Variants in CAMKMT observed in about 807,000 individuals in gnomAD.
CAMKMT encodes the protein CaM KMT.
CAMKMT carries 53 observed loss-of-function variants against 48.0 expected under a neutral mutation model. That is an observed-to-expected ratio of 1.10 (90% CI 0.89 to 1.39). The LOEUF (loss-of-function observed/expected upper bound fraction) is 1.39, where lower values mean the gene tolerates loss of function less well. Among genes scored for constraint, CAMKMT ranks in the 40% most tolerant of loss-of-function variants. CAMKMT has a pLI of 0.00. For missense variants in CAMKMT, 428 were observed against 402.7 expected, an observed-to-expected ratio of 1.06 and a Z score of -0.54; for synonymous variants, 165 against 152.3, an observed-to-expected ratio of 1.08 and a Z score of -0.61.
intron 3 of CAMKMT, among the ~76,000 whole-genome samples, chr2:44,413,300 C>T (rs1401166841): frequency 2.0e-5 from 3 of 151,844 alleles, no homozygotes; most frequent in Non-Finnish European, 4.4e-5. Context: ...ATGAAAGAGG[C>T]AGGTAGATAT....
chr2:44,638,808 C>T (rs955270783), intron 3 of CAMKMT, among the ~76,000 whole-genome samples: 16 of 152,226 alleles, frequency 1.1e-4, no homozygotes, highest in Non-Finnish European at 2.2e-4. Context: ...CTGACATTCC[C>T]TGACCTTTGT....
At chr2:44,520,287 T>G (rs1205268062) in intron 3 of CAMKMT, among the ~76,000 whole-genome samples, 2 of 152,050 alleles carry the variant, frequency 1.3e-5, no homozygotes, top group African/African-American at 4.8e-5. Context: ...CAGACTATGT[T>G]GCCCAGTTCT....
At chr2:44,712,179 T>G (rs1352162053) in intron 6 of CAMKMT, among the ~76,000 whole-genome samples, 2 of 151,716 alleles carry the variant, frequency 1.3e-5, no homozygotes, top group Non-Finnish European at 1.5e-5. Context: ...AAAAAAAACT[T>G]GAGAGATCAA....
chr2:44,705,267 C>T (rs115311561), intron 4 of CAMKMT: 1 of 712,084 alleles, frequency 1.4e-6, no homozygotes, highest in African/African-American at 1.9e-5. Context: ...CCCTTTCCCC[C>T]TCTTCCCACC....
intron 3 of CAMKMT, among the ~76,000 whole-genome samples, chr2:44,494,876 T>A (rs888022835): frequency 1.3e-5 from 2 of 152,202 alleles, no homozygotes; most frequent in African/African-American, 4.8e-5. Flanking sequence ...GCTCAAGTAA[T>A]CAGAGCACTG....
chr2:44,664,484 T>C (rs1674851244), intron 3 of CAMKMT, among the ~76,000 whole-genome samples: 1 of 152,264 alleles, frequency 6.6e-6, no homozygotes. Context: ...AGATGTGTAA[T>C]AGACATGTTC....
rs549611845 is a variant in CAMKMT at position 44,555,453 on chromosome 2, A to G, written c.377-148830A>G. Among the ~76,000 whole-genome samples, 111 of 152,176 alleles carry G rather than the reference A, an allele frequency of 7.3e-4. 1 individual carries two copies. The highest frequency in any genetic ancestry group is 2.6e-3 in the African/African-American group (107 of 41,518). ...AGAACAGATTAGGGTGAGGATGGGG[A>G]GGGAGGATGGGTTCCATTTTAGATA... On this transcript the variant is annotated intron_variant, in intron 3 of 10. Coordinates refer to ENST00000378494, the MANE Select transcript of CAMKMT (RefSeq NM_024766.5).
At chr2:44,411,464 T>A (rs1052924002) in intron 3 of CAMKMT, among the ~76,000 whole-genome samples, 1 of 152,254 alleles carries the variant, frequency 6.6e-6, no homozygotes, top group Non-Finnish European at 1.5e-5. Flanking sequence ...ATATGTTATC[T>A]CTAGATTTTA....
intron 3 of CAMKMT, among the ~76,000 whole-genome samples, chr2:44,634,203 A>G (rs1036347800): frequency 1.3e-5 from 2 of 151,972 alleles, no homozygotes; most frequent in African/African-American, 4.8e-5. Context: ...CTGAAACTCT[A>G]CTTATGCATA....
chr2:44,768,753 A>C (rs943889920), intron 10 of CAMKMT, among the ~76,000 whole-genome samples: 1 of 152,156 alleles, frequency 6.6e-6, no homozygotes, highest in Non-Finnish European at 1.5e-5. Flanking sequence ...AGGGCTTAAA[A>C]GTTTTCCATC....
chr2:44,672,101 C>G (rs1413627455), intron 3 of CAMKMT, among the ~76,000 whole-genome samples: 1 of 152,204 alleles, frequency 6.6e-6, no homozygotes, highest in Non-Finnish European at 1.5e-5. Context: ...ATCCGCCTCA[C>G]TCCCCAAATA....
chr2:44,384,323 G>A (rs1438405528), intron 2 of CAMKMT, among the ~76,000 whole-genome samples: 1 of 151,788 alleles, frequency 6.6e-6, no homozygotes, highest in Non-Finnish European at 1.5e-5. Flanking sequence ...TGATGGGATT[G>A]TTTGTTTTTT....
At chr2:44,585,122 AG>A (rs1355616990) in intron 3 of CAMKMT, among the ~76,000 whole-genome samples, 1 of 152,152 alleles carries the variant, frequency 6.6e-6, no homozygotes, top group Admixed American at 6.5e-5. Context: ...GCTTTTTAAA[AG>A]GGGAGTAAAT....
intron 3 of CAMKMT, among the ~76,000 whole-genome samples, chr2:44,582,291 TGAAAA>T (rs1669608475): frequency 1.3e-5 from 2 of 152,310 alleles, no homozygotes; most frequent in Admixed American, 1.3e-4. Flanking sequence ...TCTTTCTCTC[TGAAAA>T]GAAAAGAGCA....
chr2:44,543,118 C>G (rs1667220869), intron 3 of CAMKMT, among the ~76,000 whole-genome samples: 4 of 152,076 alleles, frequency 2.6e-5, no homozygotes, highest in Admixed American at 2.6e-4. Flanking sequence ...TGTGATTTTC[C>G]TGCTTTTTAA....
At chr2:44,533,721 A>G (rs1302799348) in intron 3 of CAMKMT, among the ~76,000 whole-genome samples, 1 of 152,220 alleles carries the variant, frequency 6.6e-6, no homozygotes, top group Non-Finnish European at 1.5e-5. Flanking sequence ...TATAAAGCTC[A>G]CTGGTAAAGC....
chr2:44,529,779 A>T (rs564143357), intron 3 of CAMKMT, among the ~76,000 whole-genome samples: 39 of 152,320 alleles, frequency 2.6e-4, no homozygotes, highest in African/African-American at 9.1e-4. Flanking sequence ...TGATTTTTCC[A>T]GTAACTAAAA....
At chr2:44,549,850 C>G (rs1169715632) in intron 3 of CAMKMT, 2 of 384,216 alleles carry the variant, frequency 5.2e-6, no homozygotes, top group African/African-American at 4.2e-5. Context: ...CCAGACCCAG[C>G]TTCATTGTGT....
intron 3 of CAMKMT, among the ~76,000 whole-genome samples, chr2:44,511,969 G>C (rs955790724): frequency 5.3e-5 from 8 of 152,150 alleles, no homozygotes; most frequent in African/African-American, 1.9e-4. Context: ...GTAGCTCCTT[G>C]TAATTTCAGA....
Sources: gnomAD v4.1 joint callset for allele counts (sites outside exome capture counted in the v4.1 genomes callset) on GRCh38, gnomAD v4.1.1 for gene constraint, MANE v1.5 for transcripts, NCBI Gene and HGNC (gene_info 2026-07-23, HGNC 2026-07-21) for gene names.